UQCC6: variants seen among roughly 807,000 people sequenced by gnomAD.
UQCC6 encodes ubiquinol-cytochrome c reductase complex assembly factor 6, also known as protein BRAWNIN.
At chr12:103,962,085 CAG>C in the UQCC6 span, among the ~76,000 whole-genome samples, 1 of 152,196 alleles carries the variant, frequency 6.6e-6, no homozygotes, top group African/African-American at 2.4e-5. Context: ...TGACATTTCT[CAG>C]AATATGACAA....
chr12:103,953,397 T>C, the UQCC6 span: 1 of 702,136 alleles, frequency 1.4e-6, no homozygotes, highest in Admixed American at 2.0e-5. Context: ...TGAGCTGAGC[T>C]GGACAACTAA....
the UQCC6 span, chr12:103,953,273 CT>C: frequency 2.3e-5 from 16 of 692,360 alleles, no homozygotes; most frequent in Non-Finnish European, 4.0e-5. Context: ...CTGGATGTAC[CT>C]TTCAAGTTAA....
At chr12:103,955,855 A>G in the UQCC6 span, 1 of 453,090 alleles carries the variant, frequency 2.2e-6, no homozygotes, top group Non-Finnish European at 4.4e-6. Flanking sequence ...TCCTGAAAAG[A>G]ACCTTTAATT....
the UQCC6 span, chr12:103,951,711 A>T: frequency 1.3e-6 from 1 of 766,418 alleles, no homozygotes; most frequent in Non-Finnish European, 2.1e-6. Context: ...AAGACTTTAA[A>T]GAGTAAAAAA....
the UQCC6 span, chr12:103,951,389 A>G: frequency 5.8e-6 from 3 of 513,178 alleles, no homozygotes; most frequent in East Asian, 6.1e-5. Flanking sequence ...ATTTCAACGT[A>G]TCGGCTAAAC....
the UQCC6 span, among the ~76,000 whole-genome samples, chr12:103,957,957 A>AAT: frequency 2.5e-4 from 36 of 145,366 alleles, no homozygotes; most frequent in African/African-American, 8.5e-4. Context: ...ATATATTTTT[A>AAT]ATATATATTA....
At chr12:103,958,752 T>C in the UQCC6 span, among the ~76,000 whole-genome samples, 1 of 152,172 alleles carries the variant, frequency 6.6e-6, no homozygotes, top group African/African-American at 2.4e-5. Flanking sequence ...TTTAAAAATG[T>C]TGGAACCTAA....
chr12:103,952,205 C>A, the UQCC6 span, among the ~76,000 whole-genome samples: 1 of 152,156 alleles, frequency 6.6e-6, no homozygotes, highest in South Asian at 2.1e-4. Context: ...AACCCTCCCC[C>A]ACATAGCCAT....
the UQCC6 span, chr12:103,965,566 A>T: frequency 6.3e-6 from 1 of 158,960 alleles, no homozygotes; most frequent in Admixed American, 6.5e-5. Context: ...GGTGGAAAGG[A>T]CTAGATAATG....
chr12:103,955,071 T>C, the UQCC6 span: 1 of 633,334 alleles, frequency 1.6e-6, no homozygotes. Flanking sequence ...CCCCAGCACT[T>C]TGGGAGGCAG....
the UQCC6 span, chr12:103,953,481 G>A: frequency 2.1e-5 from 15 of 702,230 alleles, no homozygotes; most frequent in African/African-American, 1.2e-4. Context: ...TCCTCTGCTC[G>A]ACTCTGCCCA....
the UQCC6 span, among the ~76,000 whole-genome samples, chr12:103,952,162 C>T: frequency 1.3e-5 from 2 of 152,128 alleles, no homozygotes; most frequent in Non-Finnish European, 2.9e-5. Context: ...AAAGAAACCC[C>T]ATACTTATTA....
At chr12:103,958,344 T>C in the UQCC6 span, among the ~76,000 whole-genome samples, 1 of 152,106 alleles carries the variant, frequency 6.6e-6, no homozygotes, top group Non-Finnish European at 1.5e-5. Context: ...ACTGCACATA[T>C]TTAAAGTATA....
At chr12:103,956,950 C>G in the UQCC6 span, 3 of 550,680 alleles carry the variant, frequency 5.4e-6, no homozygotes, top group African/African-American at 3.8e-5. Context: ...CCCTCCAGGC[C>G]GAGGCCCAGC....
the UQCC6 span, chr12:103,951,363 A>G: frequency 2.0e-6 from 1 of 504,436 alleles, no homozygotes; most frequent in African/African-American, 1.9e-5. Context: ...AGAAATATCA[A>G]TCAAACCGTA....
chr12:103,956,840 G>A, the UQCC6 span: 1 of 760,018 alleles, frequency 1.3e-6, no homozygotes, highest in Non-Finnish European at 2.2e-6. Context: ...CTGGACACGA[G>A]ACACACGGCG....
chr12:103,964,265 A>T, the UQCC6 span, among the ~76,000 whole-genome samples: 1 of 138,894 alleles, frequency 7.2e-6, no homozygotes, highest in Admixed American at 7.9e-5. Flanking sequence ...CGATTCTCCC[A>T]CCTCAGCCTC....
At chr12:103,954,990 T>G in the UQCC6 span, 7 of 700,056 alleles carry the variant, frequency 1.0e-5, no homozygotes, top group Admixed American at 1.4e-4. Context: ...AATAACACCT[T>G]CAAAATTGTA....
the UQCC6 span, among the ~76,000 whole-genome samples, chr12:103,962,285 TAA>T: frequency 6.6e-6 from 1 of 152,228 alleles, no homozygotes; most frequent in Non-Finnish European, 1.5e-5. Context: ...ATTAATTTTT[TAA>T]GAGAAGTTTT....
Sources: allele counts gnomAD v4.1 joint callset (sites outside exome capture counted in the v4.1 genomes callset), GRCh38; gene constraint gnomAD v4.1.1; transcripts MANE v1.5; gene names NCBI Gene and HGNC (gene_info 2026-07-23, HGNC 2026-07-21).